Variants in ROBO2 observed in about 807,000 individuals in gnomAD.
ROBO2 encodes the protein roundabout homolog 2.
A neutral mutation model predicts 160.8 loss-of-function variants in ROBO2; 53 were observed. The observed-to-expected ratio is 0.33, with a 90% CI of 0.26 to 0.41. The LOEUF (loss-of-function observed/expected upper bound fraction) is 0.41. Among genes scored for constraint, ROBO2 ranks in the 10% least tolerant of loss-of-function variants. ROBO2 has a pLI of 1.00. For missense variants in ROBO2, 1,577 were observed against 1,722.4 expected (o/e 0.92, Z 1.49); for synonymous variants, 664 against 611.7 (o/e 1.09, Z -1.26).
At chr3:77,072,831 CTTATA>C (rs2067565169) in intron 1 of ROBO2, among the ~76,000 whole-genome samples, 1 of 152,106 alleles carries the variant, frequency 6.6e-6, no homozygotes, top group South Asian at 2.1e-4. Context: ...GTGGTTACGT[CTTATA>C]TTAATCTGTT....
chr3:76,032,540 A>G (rs942292913), intron 2 of ROBO2, among the ~76,000 whole-genome samples: 45 of 152,032 alleles, frequency 3.0e-4, no homozygotes, highest in African/African-American at 1.1e-3. Flanking sequence ...GTGTCCCAGA[A>G]ATTCTGGTAT....
rs1161865325 is a variant in ROBO2, at chr3:76,289,448, T to TA, written c.109+351847dup. ...CTCCCATTCTGTAGGTTGTTTTTTTTATTCTGCTGATAGCTTTGTTTGCTC... is the reference window on the plus strand; with the variant it reads ...CTCCCATTCTGTAGGTTGTTTTTTTTAATTCTGCTGATAGCTTTGTTTGCTC... On this transcript the variant is annotated intron_variant, in intron 2 of 26. Transcript: ENST00000487694. Among the ~76,000 whole-genome samples the TA allele has an allele frequency of 2.6e-5, 4 of 152,264 alleles. 1 individual carries two copies. Among genetic ancestry groups the TA allele is most frequent in the South Asian group, 2.1e-4 (1 of 4,824 alleles).
intron 2 of ROBO2, among the ~76,000 whole-genome samples, chr3:77,020,115 T>C (rs4557199): frequency 0.13 from 19,258 of 152,234 alleles, 1,450 homozygotes; most frequent in Admixed American, 0.23. Flanking sequence ...CATGGGTTTT[T>C]AAAACAGCAC....
chr3:76,650,487 T>TG, intron 2 of ROBO2, among the ~76,000 whole-genome samples: 1 of 151,742 alleles, frequency 6.6e-6, no homozygotes, highest in Non-Finnish European at 1.5e-5. Flanking sequence ...TTCTCTTTTT[T>TG]TTTTTATTTT....
rs78000380 is a variant in ROBO2, at chr3:76,671,741, C to G, written c.110-426273C>G. ...CTTTTTGAAAAATATTTAAAATAAT[C>G]TATAATCAGTACATAAACTTTTGTG... On this transcript the variant is annotated intron_variant, in intron 2 of 26. Coordinates refer to the ROBO2 transcript ENST00000487694. Among the ~76,000 whole-genome samples, 391 of 152,008 alleles carry G rather than the reference C, an allele frequency of 2.6e-3. 2 individuals are homozygous for G. Among genetic ancestry groups the G allele is most frequent in the African/African-American group, 8.8e-3 (366 of 41,494 alleles).
intron 2 of ROBO2, among the ~76,000 whole-genome samples, chr3:77,353,832 T>A (rs1337376312): frequency 6.6e-6 from 1 of 152,108 alleles, no homozygotes; most frequent in African/African-American, 2.4e-5. Flanking sequence ...GAAAAAAAAT[T>A]AGTAATTATT....
chr3:76,694,485 T>C (rs2092884795), intron 2 of ROBO2, among the ~76,000 whole-genome samples: 1 of 152,104 alleles, frequency 6.6e-6, no homozygotes, highest in South Asian at 2.1e-4. Flanking sequence ...ATTATTTTTC[T>C]CACCAATCAG....
At chr3:77,426,598 A>ATG (rs1251567768) in intron 2 of ROBO2, among the ~76,000 whole-genome samples, 7 of 127,474 alleles carry the variant, frequency 5.5e-5, no homozygotes, top group Admixed American at 2.3e-4. Context: ...ACACATACAT[A>ATG]TGTGTGTGTC....
chr3:77,046,861 C>T (rs992265389), intron 1 of ROBO2, among the ~76,000 whole-genome samples: 2 of 152,150 alleles, frequency 1.3e-5, no homozygotes, highest in Non-Finnish European at 2.9e-5. Flanking sequence ...ACATGCTGAC[C>T]TGTGAAAATA....
intron 2 of ROBO2, among the ~76,000 whole-genome samples, chr3:77,103,414 T>TC (rs897265544): frequency 6.6e-6 from 1 of 151,552 alleles, no homozygotes; most frequent in East Asian, 1.9e-4. Flanking sequence ...AATCTTTTTT[T>TC]TTTTTTCTTT....
intron 2 of ROBO2, among the ~76,000 whole-genome samples, chr3:77,181,698 A>G (rs1373196310): frequency 6.6e-6 from 1 of 152,074 alleles, no homozygotes; most frequent in Non-Finnish European, 1.5e-5. Context: ...CTAAAAGAAA[A>G]TGATGCTCAA....
At chr3:77,038,118 G>A (rs1174748420), upstream of ROBO2, among the ~76,000 whole-genome samples, 1 of 152,316 alleles carries the variant, frequency 6.6e-6, no homozygotes, top group South Asian at 2.1e-4. Context: ...CTAAACCACA[G>A]TGTTATCCAA....
At chr3:77,412,114 A>G (rs2076851178) in intron 2 of ROBO2, among the ~76,000 whole-genome samples, 1 of 150,824 alleles carries the variant, frequency 6.6e-6, no homozygotes, top group African/African-American at 2.4e-5. Context: ...TAACTCGTTA[A>G]ATACCAGGCG....
At chr3:77,005,412 G>T (rs1578197124) in intron 2 of ROBO2, among the ~76,000 whole-genome samples, 1 of 152,070 alleles carries the variant, frequency 6.6e-6, no homozygotes, top group East Asian at 1.9e-4. Context: ...TATATTTGTT[G>T]TTCAATATGT....
chr3:76,493,896 T>C (rs2079990353), intron 2 of ROBO2, among the ~76,000 whole-genome samples: 1 of 152,192 alleles, frequency 6.6e-6, no homozygotes, highest in Non-Finnish European at 1.5e-5. Context: ...CTTGAATTTG[T>C]TCCACAAATG....
chr3:76,640,604 T>A (rs994510198), intron 2 of ROBO2, among the ~76,000 whole-genome samples: 1 of 149,970 alleles, frequency 6.7e-6, no homozygotes, highest in Non-Finnish European at 1.5e-5. Flanking sequence ...TGAGTGTGTG[T>A]GTGTGTGTGT....
chr3:77,227,313 A>G (rs958301806), intron 2 of ROBO2, among the ~76,000 whole-genome samples: 9 of 152,174 alleles, frequency 5.9e-5, no homozygotes, highest in Admixed American at 5.2e-4. Context: ...CAGACATAGC[A>G]TTATACAACT....
chr3:76,332,594 A>G (rs1347940462), intron 2 of ROBO2, among the ~76,000 whole-genome samples: 1 of 152,186 alleles, frequency 6.6e-6, no homozygotes, highest in African/African-American at 2.4e-5. Flanking sequence ...TTCTTCATAG[A>G]CAATATAATC....
At chr3:77,240,171 C>T (rs568557365) in intron 2 of ROBO2, among the ~76,000 whole-genome samples, 82 of 152,238 alleles carry the variant, frequency 5.4e-4, no homozygotes, top group South Asian at 1.2e-3. Context: ...GCTCGGGCCA[C>T]GCAGGAGCCC....
Sources: gnomAD v4.1 joint callset for allele counts (sites outside exome capture counted in the v4.1 genomes callset) on GRCh38, gnomAD v4.1.1 for gene constraint, MANE v1.5 for transcripts, NCBI Gene and HGNC (gene_info 2026-07-23, HGNC 2026-07-21) for gene names.